Variants in MAPK4 observed in about 807,000 individuals in gnomAD.
MAPK4 encodes the protein mitogen-activated protein kinase 4, also known as Erk3-related.
In MAPK4, 22 loss-of-function variants were observed where a neutral mutation model predicts 47.7. The observed-to-expected ratio is 0.46, with a 90% confidence interval of 0.33 to 0.66. MAPK4 has a LOEUF of 0.66. Among genes scored for constraint, MAPK4 ranks in the 30% least tolerant of loss-of-function variants. The pLI is 0.02. For synonymous variants in MAPK4, 390 were observed against 365.7 expected (o/e 1.07, Z -0.76); for missense variants, 736 against 831.7 (o/e 0.88, Z 1.42).
At chr18:50,609,481 GAC>G (rs1166222486) in intron 1 of MAPK4, among the ~76,000 whole-genome samples, 1 of 152,090 alleles carries the variant, frequency 6.6e-6, no homozygotes, top group Non-Finnish European at 1.5e-5. Context: ...GACTTGCCAG[GAC>G]ACACAGTCAA....
intron 2 of MAPK4, among the ~76,000 whole-genome samples, chr18:50,700,704 T>C (rs899202928): frequency 2.0e-5 from 3 of 152,186 alleles, no homozygotes; most frequent in Admixed American, 6.5e-5. Flanking sequence ...TGCATTCTCT[T>C]TGCTTCCTCA....
rs116627717 is a variant in MAPK4, at chr18:50,725,955, C to T, written c.854-7C>T. On this transcript the variant is annotated splice_region_variant and splice_polypyrimidine_tract_variant and intron_variant, in intron 4 of 5. Coordinates refer to ENST00000400384, the MANE Select transcript of MAPK4 (RefSeq NM_002747.4). The stretch of plus-strand genomic sequence containing the variant: ...ATGACCTTCATGTCCGGCTTTGCTC[C>T]CTGCAGCCATCGACTTTCTGGAGAA... 1 of 1,612,938 alleles carries T rather than the reference C, an allele frequency of 6.2e-7. No individual in the cohort carries two copies. Among genetic ancestry groups the T allele is most frequent in the African/African-American group, 1.3e-5 (1 of 75,022 alleles).
At chr18:50,635,374 A>G (rs1200405561) in intron 1 of MAPK4, among the ~76,000 whole-genome samples, 1 of 152,212 alleles carries the variant, frequency 6.6e-6, no homozygotes, top group East Asian at 1.9e-4. Context: ...ATGATTTGAC[A>G]TGCTGAATCT....
rs532503517 is a variant in MAPK4 at position 50,715,115 on chromosome 18, C to T, written c.583C>T (p.Arg195Cys). 116 of 1,613,998 alleles carry T rather than the reference C, an allele frequency of 7.2e-5. 2 individuals are homozygous for T. In the South Asian group the frequency reaches 8.9e-4, roughly 12 times the overall value. Residue 195 changes from arginine to cysteine, a missense_variant, in exon 3 of 6, where the codon CGT becomes TGT. This residue lies in a region of MAPK4 where 327 missense variants were observed against 395.4 expected (regional missense o/e 0.83). Coordinates refer to ENST00000400384, the MANE Select transcript of MAPK4 (RefSeq NM_002747.4). Reference protein sequence around the residue: ...LSEGLVTKWYRSPRLLLSPNN... With the variant: ...LSEGLVTKWYCSPRLLLSPNN... ...AGAAGGGTTGGTAACAAAGTGGTAC[C>T]GTTCCCCACGACTGCTCCTTTCCCC... is the stretch of plus-strand genomic sequence containing the variant.
intron 1 of MAPK4, among the ~76,000 whole-genome samples, chr18:50,568,194 C>A: frequency 6.8e-6 from 1 of 146,754 alleles, no homozygotes; most frequent in East Asian, 2.0e-4. Flanking sequence ...AGACGCTGTC[C>A]CAAAAAAAAA....
Position 50,634,828 on chromosome 18 carries a change from C to T in MAPK4, c.-870-28261C>T, listed in dbSNP as rs577863653. 3.8e-4 allele frequency among the ~76,000 whole-genome samples: 58 copies of T among 152,274 alleles called. 1 individual carries two copies. In the South Asian group the frequency reaches 0.011, roughly 30 times the overall value. ...ATTCTTAAGGCCTACAATCATGGGT[C>T]GTTTTGCTATCTCCTCCTTCTGTGT... On this transcript the variant is annotated intron_variant, in intron 1 of 5. Transcript: ENST00000400384.
At chr18:50,645,963 G>A (rs923684937) in intron 1 of MAPK4, among the ~76,000 whole-genome samples, 6 of 152,114 alleles carry the variant, frequency 3.9e-5, no homozygotes, top group Admixed American at 3.9e-4. Flanking sequence ...AAGGTAAATG[G>A]GATCTATGTG....
Position 50,659,708 on chromosome 18 carries a change from T to C in MAPK4, c.-870-3381T>C, listed in dbSNP as rs1478213847. 4.6e-5 allele frequency among the ~76,000 whole-genome samples: 7 copies of C among 152,248 alleles called. No individual in the cohort carries two copies. In the South Asian group the frequency reaches 1.2e-3, roughly 27 times the overall value. On this transcript the variant is annotated intron_variant, in intron 1 of 5. Coordinates refer to ENST00000400384, the MANE Select transcript of MAPK4 (RefSeq NM_002747.4). ...TAGAACTTTCTATTCCTGTGTTTTA[T>C]TACGATGCCCAGCCATGGAATCGTG...
chr18:50,712,543 A>T (rs1344854708), intron 2 of MAPK4, among the ~76,000 whole-genome samples: 1 of 30,466 alleles, frequency 3.3e-5, no homozygotes, highest in Non-Finnish European at 8.7e-5. Flanking sequence ...CTTGTTTTTC[A>T]TTAAAAAAAA....
chr18:50,669,015 A>G (rs1014241507), intron 2 of MAPK4, among the ~76,000 whole-genome samples: 2 of 152,220 alleles, frequency 1.3e-5, no homozygotes, highest in African/African-American at 4.8e-5. Flanking sequence ...TAAATCACTA[A>G]CCAAACTTTG....
chr18:50,576,737 G>A (rs569388115), intron 1 of MAPK4, among the ~76,000 whole-genome samples: 16 of 152,136 alleles, frequency 1.1e-4, no homozygotes, highest in Non-Finnish European at 2.1e-4. Context: ...CAAAGTGTCA[G>A]GTCTGTGGAA....
At chr18:50,704,508 G>A (rs911148951) in intron 2 of MAPK4, 4 of 398,566 alleles carry the variant, frequency 1.0e-5, no homozygotes, top group Non-Finnish European at 1.8e-5. Flanking sequence ...AATCATGTGT[G>A]TCTCTCTCTT....
chr18:50,595,018 C>A (rs1378847064), intron 1 of MAPK4, among the ~76,000 whole-genome samples: 1 of 152,162 alleles, frequency 6.6e-6, no homozygotes, highest in Non-Finnish European at 1.5e-5. Context: ...TATTCACAGC[C>A]ACTAGAATAG....
chr18:50,560,191 G>C lies in MAPK4; in HGVS notation c.-923G>C, dbSNP rs952682577. The stretch of plus-strand genomic sequence containing the variant: ...GGCCGAGCGCGCCGGCGCCGCGGCC[G>C]CAGACAAAGGGCGGCTCGCGCCCGG... On this transcript the variant is annotated 5_prime_UTR_variant, in exon 1 of 6. Coordinates refer to ENST00000400384, the MANE Select transcript of MAPK4 (RefSeq NM_002747.4). The C allele has an allele frequency of 6.0e-5, 9 of 150,970 alleles. No individual in the cohort carries two copies. Among genetic ancestry groups the C allele is most frequent in the Non-Finnish European group, 8.9e-5 (6 of 67,696 alleles). 9.4% of individuals were successfully genotyped at this position (150,970 alleles called of 1,614,324 possible).
chr18:50,672,737 G>A (rs1908029027), intron 2 of MAPK4, among the ~76,000 whole-genome samples: 1 of 152,182 alleles, frequency 6.6e-6, no homozygotes, highest in Admixed American at 6.5e-5. Flanking sequence ...CCTGAAGCAG[G>A]GTCCTAGAGG....
intron 1 of MAPK4, among the ~76,000 whole-genome samples, chr18:50,658,144 T>C (rs1357598993): frequency 6.6e-6 from 1 of 152,198 alleles, no homozygotes; most frequent in Admixed American, 6.5e-5. Context: ...TATTTCAACA[T>C]TCTATTTCTT....
intron 2 of MAPK4, among the ~76,000 whole-genome samples, chr18:50,712,937 T>C (rs1910455359): frequency 6.6e-6 from 1 of 152,238 alleles, no homozygotes; most frequent in South Asian, 2.1e-4. Context: ...GGCTTGTTCC[T>C]GTAACTTTTA....
intron 3 of MAPK4, among the ~76,000 whole-genome samples, chr18:50,719,038 C>CAT (rs142064143): frequency 7.0e-6 from 1 of 143,758 alleles, no homozygotes; most frequent in East Asian, 2.0e-4. Context: ...GAGCCGAGAT[C>CAT]GTGCCACTGC....
chr18:50,655,122 G>A (rs2043094560), intron 1 of MAPK4, among the ~76,000 whole-genome samples: 1 of 152,144 alleles, frequency 6.6e-6, no homozygotes, highest in Admixed American at 6.5e-5. Context: ...GTGTTCTTTA[G>A]AAAACCGTAT....
Sources: gnomAD v4.1 joint callset for allele counts (sites outside exome capture counted in the v4.1 genomes callset) on GRCh38, gnomAD v4.1.1 for gene constraint, gnomAD v4.1.1 regional missense constraint, MANE v1.5 for transcripts, NCBI Gene and HGNC (gene_info 2026-07-23, HGNC 2026-07-21) for gene names.